PVT1: variants seen among roughly 807,000 people sequenced by gnomAD.
PVT1 encodes the protein CXCR4/PVT1 fusion.
At chr8:128,014,464 G>T (rs1817349562) in intron 4 of PVT1, among the ~76,000 whole-genome samples, 2 of 152,168 alleles carry the variant, frequency 1.3e-5, no homozygotes, top group South Asian at 4.1e-4. Context: ...AGAAGTGAAG[G>T]CCTTGAAATG....
intron 2 of PVT1, among the ~76,000 whole-genome samples, chr8:127,818,241 T>C (rs1274213734): frequency 6.6e-6 from 1 of 152,152 alleles, no homozygotes; most frequent in African/African-American, 2.4e-5. Context: ...TGTGTGCCCT[T>C]GAGCTTGGAT....
At chr8:128,042,459 A>C (rs1156389597) in intron 4 of PVT1, among the ~76,000 whole-genome samples, 1 of 152,126 alleles carries the variant, frequency 6.6e-6, no homozygotes, top group African/African-American at 2.4e-5. Flanking sequence ...GTATAAGAAC[A>C]CCACTTCCCC....
intron 2 of PVT1, among the ~76,000 whole-genome samples, chr8:127,873,300 C>A (rs1249239452): frequency 6.6e-6 from 1 of 152,110 alleles, no homozygotes; most frequent in Non-Finnish European, 1.5e-5. Flanking sequence ...GTAAGCACAG[C>A]CCTGGATTAC....
intron 4 of PVT1, among the ~76,000 whole-genome samples, chr8:128,050,656 T>C (rs2130104391): frequency 6.6e-6 from 1 of 152,324 alleles, no homozygotes; most frequent in East Asian, 1.9e-4. Context: ...TCTGTGACCC[T>C]AGGAATGTCA....
chr8:128,054,790 C>T (rs1484219732), intron 4 of PVT1, among the ~76,000 whole-genome samples: 1 of 152,176 alleles, frequency 6.6e-6, no homozygotes, highest in Non-Finnish European at 1.5e-5. Flanking sequence ...AGAGAAATGC[C>T]ATGTGATGGT....
chr8:127,810,135 C>T (rs1022812003), intron 2 of PVT1, among the ~76,000 whole-genome samples: 9 of 152,244 alleles, frequency 5.9e-5, no homozygotes, highest in African/African-American at 2.2e-4. Flanking sequence ...GCATGCTGGG[C>T]CTGGGGGGCC....
In PVT1 at chr8:128,049,195, A is replaced by G. The variant is rs368654133; in HGVS notation, n.913-20965A>G. On this transcript the variant is annotated intron_variant and non_coding_transcript_variant, in intron 4 of 10. Coordinates refer to ENST00000651587, the Ensembl canonical transcript of PVT1. ...CTGGGAGGGGCTGGCTGGGTCTGGT[A>G]GTGGGCATCAGCTGGCCCTCATTTC... The G allele has an allele frequency of 2.4e-5, 13 of 531,842 alleles. No individual in the cohort carries two copies. In the East Asian group the frequency reaches 2.7e-4, roughly 11 times the overall value. 32.9% of individuals were successfully genotyped at this position (531,842 alleles called of 1,614,324 possible).
intron 3 of PVT1, among the ~76,000 whole-genome samples, chr8:127,900,144 C>A (rs1045401570): frequency 1.3e-5 from 2 of 152,234 alleles, no homozygotes; most frequent in South Asian, 4.1e-4. Flanking sequence ...CAGGTTCAAG[C>A]GATTCTCCTG....
At chr8:127,903,639 A>G (rs1292398609) in intron 3 of PVT1, among the ~76,000 whole-genome samples, 1 of 152,218 alleles carries the variant, frequency 6.6e-6, no homozygotes, top group Non-Finnish European at 1.5e-5. Context: ...TTTCTTCTGC[A>G]TATGGATAGC....
chr8:128,084,299 G>A (rs1407836035), intron 5 of PVT1, among the ~76,000 whole-genome samples: 1 of 152,042 alleles, frequency 6.6e-6, no homozygotes, highest in Non-Finnish European at 1.5e-5. Context: ...CCTTGCTGTG[G>A]GCCAGACATA....
At chr8:127,957,439 AGCCTGTACCGTGC>A (rs1816583061) in intron 3 of PVT1, among the ~76,000 whole-genome samples, 1 of 152,020 alleles carries the variant, frequency 6.6e-6, no homozygotes. Context: ...TGGTGGTGCA[AGCCTGTACCGTGC>A]AGCTACTCAG....
intron 2 of PVT1, among the ~76,000 whole-genome samples, chr8:127,811,830 G>A (rs1489401114): frequency 6.6e-6 from 1 of 152,128 alleles, no homozygotes; most frequent in South Asian, 2.1e-4. Context: ...AGTGGTTTCC[G>A]GTAGCTCACT....
Position 128,084,791 on chromosome 8 carries a change from A to C in PVT1, n.1115-11727A>C, listed in dbSNP as rs141550537. Among the ~76,000 whole-genome samples, 410 of 152,354 alleles carry C rather than the reference A, an allele frequency of 2.7e-3. 3 individuals carry two copies. Among genetic ancestry groups the C allele is most frequent in the African/African-American group, 9.3e-3 (386 of 41,590 alleles). The stretch of plus-strand genomic sequence containing the variant: ...TGAATAATGGGAGCAATGCTGGACC[A>C]GTGTTTGAGGTTCCAAAGTGAATAC... On this transcript the variant is annotated intron_variant and non_coding_transcript_variant, in intron 5 of 10. Transcript: ENST00000651587.
intron 3 of PVT1, among the ~76,000 whole-genome samples, chr8:127,933,186 C>T (rs1586442800): frequency 6.6e-6 from 1 of 152,194 alleles, no homozygotes; most frequent in African/African-American, 2.4e-5. Context: ...AGCGATTCTC[C>T]TGCCTCAGCC....
chr8:127,864,069 A>G (rs767784944), intron 2 of PVT1, among the ~76,000 whole-genome samples: 4 of 152,226 alleles, frequency 2.6e-5, no homozygotes, highest in Admixed American at 2.6e-4. Flanking sequence ...CCTGCCATCC[A>G]AGGGGAAAGA....
intron 4 of PVT1, among the ~76,000 whole-genome samples, chr8:128,030,348 A>G (rs939875628): frequency 1.3e-5 from 2 of 152,214 alleles, no homozygotes; most frequent in African/African-American, 4.8e-5. Context: ...GCATATACAT[A>G]TATTTGAAAA....
chr8:127,981,490 A>G (rs1049891479), intron 3 of PVT1, among the ~76,000 whole-genome samples: 1 of 152,228 alleles, frequency 6.6e-6, no homozygotes, highest in Non-Finnish European at 1.5e-5. Flanking sequence ...ACGGAAAACA[A>G]TGGCTTTGAT....
At chr8:127,929,700 G>A (rs1357317147) in intron 3 of PVT1, among the ~76,000 whole-genome samples, 4 of 151,994 alleles carry the variant, frequency 2.6e-5, no homozygotes, top group Admixed American at 1.3e-4. Flanking sequence ...CCCGGGAGGC[G>A]GAGCTTGCAG....
chr8:128,053,718 C>T (rs1370746597), intron 4 of PVT1, among the ~76,000 whole-genome samples: 4 of 152,120 alleles, frequency 2.6e-5, no homozygotes, highest in Non-Finnish European at 4.4e-5. Context: ...AGGCTCTTTA[C>T]GATGATGCCA....
Sources: gnomAD v4.1 joint callset for allele counts (sites outside exome capture counted in the v4.1 genomes callset) on GRCh38, gnomAD v4.1.1 for gene constraint, MANE v1.5 for transcripts, NCBI Gene and HGNC (gene_info 2026-07-23, HGNC 2026-07-21) for gene names.